Variants in COLEC10 observed in about 807,000 individuals in gnomAD.
COLEC10 encodes the protein collectin subfamily member 10, also known as collectin-10.
In COLEC10, 22 loss-of-function variants were observed where a neutral mutation model predicts 28.4. The observed-to-expected ratio is 0.78, with a 90% CI of 0.55 to 1.11. The LOEUF (loss-of-function observed/expected upper bound fraction) is 1.11. Ranked by LOEUF, COLEC10 falls within the 50% of genes least tolerant of loss-of-function variation. COLEC10 has a pLI of 0.00. For missense variants in COLEC10, 361 were observed against 344.1 expected (o/e 1.05, Z -0.39); for synonymous variants, 125 against 116.1 (o/e 1.08, Z -0.49).
chr8:119,013,884 A>G (rs1433568510), intron 2 of COLEC10, among the ~76,000 whole-genome samples: 2 of 150,802 alleles, frequency 1.3e-5, no homozygotes, highest in African/African-American at 5.0e-5. Context: ...TGTAATGTAC[A>G]CTTACAACTA....
intron 1 of COLEC10, among the ~76,000 whole-genome samples, chr8:119,005,115 C>T (rs1308700329): frequency 1.3e-5 from 2 of 152,028 alleles, no homozygotes; most frequent in African/African-American, 4.8e-5. Context: ...TTTAAGTGTC[C>T]AGCTTAATTT....
intron 1 of COLEC10, among the ~76,000 whole-genome samples, chr8:119,071,692 G>T (rs1016111169): frequency 1.3e-5 from 2 of 152,090 alleles, no homozygotes; most frequent in Non-Finnish European, 2.9e-5. Flanking sequence ...TGGAGTGCAA[G>T]CTTCCCGAAT....
the COLEC10 span, among the ~76,000 whole-genome samples, chr8:118,959,873 T>A: frequency 1.3e-5 from 2 of 152,226 alleles, no homozygotes; most frequent in Non-Finnish European, 2.9e-5. Flanking sequence ...GCTTGTTTTA[T>A]ACTTTTTCAC....
intron 1 of COLEC10, among the ~76,000 whole-genome samples, chr8:119,005,203 A>AT (rs1813772343): frequency 6.6e-6 from 1 of 152,132 alleles, no homozygotes; most frequent in South Asian, 2.1e-4. Flanking sequence ...TGAAAGAGAA[A>AT]TTGGGAATAG....
chr8:119,079,024 CACACACACACACACACACA>C, intron 1 of COLEC10, among the ~76,000 whole-genome samples: 1 of 126,832 alleles, frequency 7.9e-6, no homozygotes, highest in Admixed American at 7.7e-5. Flanking sequence ...CACACACACA[CACACACACACACACACACA>C]CCAACCAGGA....
chr8:119,080,055 A>G (rs1815339023), intron 1 of COLEC10, among the ~76,000 whole-genome samples: 1 of 152,154 alleles, frequency 6.6e-6, no homozygotes, highest in African/African-American at 2.4e-5. Context: ...TCGATATTTT[A>G]TCTTGTCATT....
chr8:119,033,561 C>T (rs1275558732), intron 2 of COLEC10, among the ~76,000 whole-genome samples: 2 of 152,128 alleles, frequency 1.3e-5, no homozygotes, highest in South Asian at 2.1e-4. Flanking sequence ...AAAAAACAAT[C>T]CCATCAAAAA....
At chr8:119,086,079 G>T (rs1815475688) in intron 1 of COLEC10, among the ~76,000 whole-genome samples, 1 of 152,094 alleles carries the variant, frequency 6.6e-6, no homozygotes. Context: ...TGAGTAAAGG[G>T]TACTGGCCTG....
chr8:119,070,807 A>G (rs1815107351), intron 1 of COLEC10, among the ~76,000 whole-genome samples: 1 of 152,166 alleles, frequency 6.6e-6, no homozygotes, highest in South Asian at 2.1e-4. Context: ...CATGTTAAAA[A>G]ATGATTTTAA....
chr8:119,107,503 C>T lies in COLEC10; in HGVS notation c.*1312C>T, dbSNP rs1211742272. ...ATGATTAGACTGTTTCAAATGCTGG[C>T]AAAATGGTTAATGAAGTAAGAGAAA... On this transcript the variant is annotated 3_prime_UTR_variant, in exon 6 of 6. Coordinates refer to ENST00000332843, the MANE Select transcript of COLEC10 (RefSeq NM_006438.5). Among the ~76,000 whole-genome samples the T allele has an allele frequency of 6.6e-6, 1 of 152,142 alleles. No individual in the cohort carries two copies. Among genetic ancestry groups the T allele is most frequent in the Non-Finnish European group, 1.5e-5 (1 of 68,024 alleles).
chr8:118,967,139 A>G, the COLEC10 span, among the ~76,000 whole-genome samples: 4 of 152,120 alleles, frequency 2.6e-5, no homozygotes, highest in African/African-American at 9.7e-5. Flanking sequence ...GGGTGATTTT[A>G]TATCTATACT....
chr8:119,029,101 A>T (rs1814244324), intron 2 of COLEC10, among the ~76,000 whole-genome samples: 1 of 152,252 alleles, frequency 6.6e-6, no homozygotes, highest in Non-Finnish European at 1.5e-5. Context: ...GCACCTCACT[A>T]GCTGCGGGGA....
intron 2 of COLEC10, among the ~76,000 whole-genome samples, chr8:119,061,286 G>A (rs1814850257): frequency 1.3e-5 from 2 of 151,966 alleles, no homozygotes; most frequent in African/African-American, 4.8e-5. Flanking sequence ...ACAGAGAGGT[G>A]GAGGTATGGA....
chr8:118,999,223 A>C (rs1298539939), intron 1 of COLEC10, among the ~76,000 whole-genome samples: 1 of 152,158 alleles, frequency 6.6e-6, no homozygotes. Flanking sequence ...GAGCCATTAA[A>C]ATGGATAAAA....
At chr8:119,053,909 A>C (rs1430319463) in intron 2 of COLEC10, among the ~76,000 whole-genome samples, 1 of 152,084 alleles carries the variant, frequency 6.6e-6, no homozygotes, top group East Asian at 1.9e-4. Flanking sequence ...ATACATACAT[A>C]GCTATGATAA....
intron 1 of COLEC10, among the ~76,000 whole-genome samples, chr8:119,002,867 T>C (rs1348138343): frequency 1.3e-5 from 2 of 152,134 alleles, no homozygotes; most frequent in Non-Finnish European, 2.9e-5. Context: ...ATTTCAAATC[T>C]TGGGTTTTTG....
the COLEC10 span, among the ~76,000 whole-genome samples, chr8:118,956,535 T>TA: frequency 7.2e-5 from 11 of 152,174 alleles, no homozygotes; most frequent in Admixed American, 7.2e-4. Context: ...ACCTCTTGCT[T>TA]ATAAACTTTT....
intron 2 of COLEC10, among the ~76,000 whole-genome samples, chr8:119,053,135 C>A (rs1814703764): frequency 6.6e-6 from 1 of 152,220 alleles, no homozygotes; most frequent in African/African-American, 2.4e-5. Context: ...ATCCTCAACA[C>A]TTCAGTGGAA....
intron 2 of COLEC10, among the ~76,000 whole-genome samples, chr8:119,015,481 C>A (rs1484541122): frequency 6.9e-6 from 1 of 144,456 alleles, no homozygotes; most frequent in African/African-American, 2.9e-5. Flanking sequence ...TGGTGTATTT[C>A]AAAATAGTTT....
Sources: gnomAD v4.1 joint callset for allele counts (sites outside exome capture counted in the v4.1 genomes callset) on GRCh38, gnomAD v4.1.1 for gene constraint, MANE v1.5 for transcripts, NCBI Gene and HGNC (gene_info 2026-07-23, HGNC 2026-07-21) for gene names.